Variants in CFAP161 observed in about 807,000 individuals in gnomAD.
CFAP161 encodes the protein cilia- and flagella-associated protein 161.
In CFAP161, 25 loss-of-function variants were observed where a neutral mutation model predicts 29.0. That is an observed-to-expected ratio of 0.86 (90% CI 0.63 to 1.20). CFAP161 has a LOEUF of 1.20. Ranked by LOEUF, CFAP161 falls within the 50% of genes most tolerant of loss-of-function variation. The pLI, the probability that CFAP161 is intolerant of heterozygous loss-of-function variation, is 0.00. For synonymous variants in CFAP161, 116 were observed against 137.4 expected (o/e 0.84, Z 1.09); for missense variants, 367 against 371.9 (o/e 0.99, Z 0.11).
chr15:81,114,148 A>G (rs1260800966), intron 1 of CFAP161, among the ~76,000 whole-genome samples: 3 of 152,214 alleles, frequency 2.0e-5, no homozygotes, highest in Non-Finnish European at 2.9e-5. Flanking sequence ...TACAACATAC[A>G]GGCATACCTC....
chr15:81,136,413 C>A (rs906660321), intron 2 of CFAP161, 103 bp from the exon 3 acceptor site: 21 of 1,009,088 alleles, frequency 2.1e-5, no homozygotes, highest in Non-Finnish European at 2.7e-5. Context: ...CAAGTGAAAT[C>A]CTGAATGAAA....
rs1895051239 is a variant in CFAP161 at position 81,148,564 on chromosome 15, C to T, written c.*31C>T. On this transcript the variant is annotated 3_prime_UTR_variant, in exon 7 of 7. Transcript: ENST00000286732. ...CAGGCACGTGCATGTTTTCCCTGGT[C>T]CCGCTCTCATCAAATGTAGCTTTAA... 1 of 1,573,306 alleles carries T rather than the reference C, an allele frequency of 6.4e-7. No homozygotes were observed. The highest frequency in any genetic ancestry group is 1.2e-5 in the South Asian group (1 of 86,498).
intron 2 of CFAP161, among the ~76,000 whole-genome samples, chr15:81,128,472 T>C (rs546308176): frequency 6.6e-6 from 1 of 152,350 alleles, no homozygotes. Context: ...AAGCAGCAAC[T>C]CCTCCTCAAG....
At chr15:81,144,965 C>T (rs555311686) in intron 5 of CFAP161, among the ~76,000 whole-genome samples, 8 of 152,100 alleles carry the variant, frequency 5.3e-5, no homozygotes, top group African/African-American at 1.4e-4. Context: ...ATGGTCCTGA[C>T]GGGAAGGTGG....
chr15:81,118,786 T>C (rs1463745780), intron 1 of CFAP161, among the ~76,000 whole-genome samples: 1 of 152,250 alleles, frequency 6.6e-6, no homozygotes, highest in Non-Finnish European at 1.5e-5. Context: ...ATTGAACTTA[T>C]ATAAATAAAA....
chr15:81,120,968 C>G (rs1894565185), intron 1 of CFAP161, among the ~76,000 whole-genome samples: 9 of 152,184 alleles, frequency 5.9e-5, no homozygotes, highest in Admixed American at 5.9e-4. Flanking sequence ...TGCAATTCTA[C>G]TAAGAGTAAA....
chr15:81,101,471 G>T (rs1204056553), intron 1 of CFAP161, among the ~76,000 whole-genome samples: 1 of 136,552 alleles, frequency 7.3e-6, no homozygotes, highest in African/African-American at 2.9e-5. Flanking sequence ...AGGTTGCAGT[G>T]AGCTGAGATC....
At chr15:81,148,097 C>T (rs1480125791) in intron 6 of CFAP161, among the ~76,000 whole-genome samples, 166 bp downstream of exon 6, 3 of 152,126 alleles carry the variant, frequency 2.0e-5, no homozygotes, top group Non-Finnish European at 4.4e-5. Flanking sequence ...CCTATTAGAG[C>T]CCCTTCTTTT....
At chr15:81,101,554 A>AAATT in intron 1 of CFAP161, among the ~76,000 whole-genome samples, 1 of 137,904 alleles carries the variant, frequency 7.3e-6, no homozygotes, top group Middle Eastern at 3.6e-3. Flanking sequence ...AAAAAAAAAG[A>AAATT]TGGTGGTGGT....
At position 81,134,372 on chromosome 15, in the gene CFAP161, T is replaced by A; in HGVS notation, c.43T>A (p.Trp15Arg). 2 of 1,590,574 alleles carry A rather than the reference T, an allele frequency of 1.3e-6. No homozygotes were observed. Among genetic ancestry groups the A allele is most frequent in the Non-Finnish European group, 1.7e-6 (2 of 1,169,572 alleles). Reference protein sequence around the residue: ...VYGPGVRIGNWNEDVYLEEEL... With the variant: ...VYGPGVRIGNRNEDVYLEEEL... Reference sequence around the variant, plus strand: ...TGGTCCGGGAGTCCGGATAGGCAACTGGAATGAGGATGTCTACCTGGAGGA... The same window carrying A: ...TGGTCCGGGAGTCCGGATAGGCAACAGGAATGAGGATGTCTACCTGGAGGA... The change falls in exon 1 of 7, where the codon TGG becomes AGG. Residue 15 changes from tryptophan to arginine, a missense_variant. Trp to Arg is a moderately radical substitution (Grantham distance 101). Transcript: ENST00000286732.
intron 1 of CFAP161, among the ~76,000 whole-genome samples, chr15:81,114,163 A>G (rs1441071177): frequency 1.3e-5 from 2 of 152,198 alleles, no homozygotes; most frequent in African/African-American, 2.4e-5. Flanking sequence ...TACCTCAGAG[A>G]TAACGTGGGT....
At chr15:81,115,328 T>G (rs1013562892) in intron 1 of CFAP161, among the ~76,000 whole-genome samples, 3 of 152,198 alleles carry the variant, frequency 2.0e-5, no homozygotes, top group African/African-American at 7.2e-5. Context: ...TAGTTAGGTT[T>G]TGATGTCTCT....
chr15:81,116,899 A>G (rs1228405270), intron 1 of CFAP161, among the ~76,000 whole-genome samples: 3 of 152,192 alleles, frequency 2.0e-5, no homozygotes, highest in Non-Finnish European at 2.9e-5. Context: ...CTTGTAAACA[A>G]TTCACAAGGC....
chr15:81,127,898 A>G (rs552670464), intron 2 of CFAP161, among the ~76,000 whole-genome samples: 1 of 152,380 alleles, frequency 6.6e-6, no homozygotes, highest in South Asian at 2.1e-4. Flanking sequence ...TGCATGCCAT[A>G]GTAAACTATG....
At chr15:81,131,069 G>A (rs188776661), upstream of CFAP161, among the ~76,000 whole-genome samples, 4 of 150,740 alleles carry the variant, frequency 2.7e-5, no homozygotes, top group African/African-American at 7.3e-5. Context: ...TGAAGTGAGC[G>A]TATGCTGTTG....
chr15:81,147,927 T>G lies in CFAP161; in HGVS notation c.706T>G (p.Leu236Val). 6.2e-7 allele frequency: 1 copy of G among 1,608,622 alleles called. No homozygotes were observed. Among genetic ancestry groups the G allele is most frequent in the Non-Finnish European group, 8.5e-7 (1 of 1,176,628 alleles). The change falls in exon 6 of 7, where the codon TTA becomes GTA. Residue 236 changes from leucine to valine, a missense_variant. Leu to Val is a conservative substitution (Grantham distance 32, BLOSUM62 1). Transcript: ENST00000286732. ...ACTGGCAGCCCACCGGCATCTTTTC[T>G]TAAGGTATTGTATTTCAGGGTACAA... ...RGLAAHRHLFLSTYFGKEAEV... is the reference protein window; with the variant it reads ...RGLAAHRHLFVSTYFGKEAEV...
intron 2 of CFAP161, among the ~76,000 whole-genome samples, chr15:81,128,635 A>G (rs983055648): frequency 1.1e-4 from 16 of 152,192 alleles, no homozygotes; most frequent in Non-Finnish European, 1.8e-4. Context: ...GTCATCCATG[A>G]GGATTGAAAT....
chr15:81,116,163 G>A (rs907410720), intron 1 of CFAP161, among the ~76,000 whole-genome samples: 39 of 152,134 alleles, frequency 2.6e-4, no homozygotes, highest in Admixed American at 7.2e-4. Context: ...AGTAGGTTCC[G>A]TTAGGTTACC....
At chr15:81,118,878 AATT>A (rs67040779) in intron 1 of CFAP161, among the ~76,000 whole-genome samples, 86,501 of 151,958 alleles carry the variant, frequency 0.57, 25,911 homozygotes, top group Non-Finnish European at 0.68. Context: ...TACGTTACCA[AATT>A]ATTATAAACT....
Sources: gnomAD v4.1 joint callset for allele counts (sites outside exome capture counted in the v4.1 genomes callset) on GRCh38, gnomAD v4.1.1 for gene constraint, MANE v1.5 for transcripts, NCBI Gene and HGNC (gene_info 2026-07-23, HGNC 2026-07-21) for gene names.